The following DPYSL3 variants were observed in gnomAD, a reference collection of about 807,000 sequenced individuals.
DPYSL3 encodes dihydropyrimidinase like 3.
DPYSL3 carries 16 observed loss-of-function variants against 66.1 expected under a neutral mutation model. The ratio of observed to expected loss-of-function variants is 0.24; its 90% CI spans 0.16 to 0.37. The LOEUF is 0.37. Ranked by LOEUF, DPYSL3 falls within the 10% of genes least tolerant of loss-of-function variation. The probability of loss-of-function intolerance (pLI) is 1.00; values close to 1 mark genes in which losing one functional copy is unlikely to be tolerated. For synonymous variants in DPYSL3, 338 were observed against 345.1 expected (o/e 0.98, Z 0.23); for missense variants, 738 against 916.2 (o/e 0.81, Z 2.51).
At chr5:147,394,212 AAG>A in intron 13 of DPYSL3, 89 bp from the exon 14 acceptor site, 1 of 1,334,562 alleles carries the variant, frequency 7.5e-7, no homozygotes, top group Non-Finnish European at 1.1e-6. Flanking sequence ...GGTTAATTTT[AAG>A]AGTGCAAGAT....
At chr5:147,424,718 C>T (rs1245010831) in intron 2 of DPYSL3, among the ~76,000 whole-genome samples, 157 bp downstream of exon 2, 1 of 152,186 alleles carries the variant, frequency 6.6e-6, no homozygotes, top group Non-Finnish European at 1.5e-5. Context: ...GAATGCTCAT[C>T]AATACTTTCT....
intron 1 of DPYSL3, among the ~76,000 whole-genome samples, chr5:147,460,801 G>A (rs1236413038): frequency 6.6e-6 from 1 of 152,128 alleles, no homozygotes. Flanking sequence ...TTTCAGGCTT[G>A]CAATCCATTA....
At chr5:147,453,807 C>T (rs886239418) in intron 1 of DPYSL3, 4 of 1,224,998 alleles carry the variant, frequency 3.3e-6, no homozygotes, top group South Asian at 2.6e-5. Context: ...CCCGCCCCCC[C>T]ACGCACACCC....
intron 1 of DPYSL3, among the ~76,000 whole-genome samples, chr5:147,484,332 G>A (rs1395922485): frequency 6.6e-6 from 1 of 152,180 alleles, no homozygotes; most frequent in Non-Finnish European, 1.5e-5. Context: ...CAGCCTGCAG[G>A]GAGGGTGTAA....
At chr5:147,453,472 A>G in intron 1 of DPYSL3, 1 of 1,480,642 alleles carries the variant, frequency 6.8e-7, no homozygotes. Flanking sequence ...AGCCGGCGGG[A>G]TCCGAGCCGA....
At chr5:147,472,825 A>G (rs1054541522) in intron 1 of DPYSL3, 1 of 151,888 alleles carries the variant, frequency 6.6e-6, no homozygotes, top group Non-Finnish European at 1.5e-5. Context: ...ACACCATCCT[A>G]TTTACCCTCA....
intron 1 of DPYSL3, among the ~76,000 whole-genome samples, chr5:147,442,451 G>A (rs1040281166): frequency 2.0e-5 from 3 of 152,176 alleles, no homozygotes; most frequent in African/African-American, 7.2e-5. Context: ...GGAATGAGTG[G>A]TGACAAGAAT....
intron 1 of DPYSL3, among the ~76,000 whole-genome samples, chr5:147,481,626 G>T (rs756926870): frequency 6.6e-6 from 1 of 152,178 alleles, no homozygotes; most frequent in Non-Finnish European, 1.5e-5. Context: ...AGTGCCTGAA[G>T]GTGGGGCCTC....
At chr5:147,489,449 T>C (rs1043567972) in intron 1 of DPYSL3, among the ~76,000 whole-genome samples, 9 of 152,190 alleles carry the variant, frequency 5.9e-5, no homozygotes, top group South Asian at 2.1e-4. Context: ...TTATAGGAAA[T>C]TGAGTAATCT....
intron 12 of DPYSL3, among the ~76,000 whole-genome samples, chr5:147,396,064 G>A (rs973818871): frequency 1.3e-5 from 2 of 152,110 alleles, no homozygotes; most frequent in African/African-American, 2.4e-5. Flanking sequence ...AAGAGCAAGG[G>A]CAGACAGCTG....
chr5:147,469,819 T>G (rs1276350580), intron 1 of DPYSL3, among the ~76,000 whole-genome samples: 2 of 152,220 alleles, frequency 1.3e-5, no homozygotes, highest in Non-Finnish European at 2.9e-5. Context: ...GTATCATACA[T>G]CTAACTGCAT....
At chr5:147,436,366 T>C (rs182078278) in intron 1 of DPYSL3, among the ~76,000 whole-genome samples, 1 of 152,334 alleles carries the variant, frequency 6.6e-6, no homozygotes, top group Admixed American at 6.5e-5. Context: ...AATAAGTAAG[T>C]TCTGGAGCAA....
At chr5:147,435,241 G>A (rs1752395574) in intron 1 of DPYSL3, among the ~76,000 whole-genome samples, 2 of 152,142 alleles carry the variant, frequency 1.3e-5, no homozygotes, top group South Asian at 4.1e-4. Context: ...TATGGCCAAC[G>A]GCAATTATGA....
intron 7 of DPYSL3, 103 bp downstream of exon 7, chr5:147,408,625 G>T (rs899509933): frequency 7.9e-7 from 1 of 1,269,582 alleles, no homozygotes; most frequent in Non-Finnish European, 1.1e-6. Context: ...AGTGGTCTTT[G>T]GAAGAAATGT....
intron 1 of DPYSL3, among the ~76,000 whole-genome samples, chr5:147,447,786 T>C (rs932949601): frequency 1.3e-5 from 2 of 152,104 alleles, no homozygotes; most frequent in African/African-American, 4.8e-5. Context: ...TGCCGTGAGC[T>C]GAGATCGCGC....
Position 147,395,571 on chromosome 5 carries a change from A to G in DPYSL3, c.1954T>C (p.Phe652Leu). ...CTGTCCCACTCACCTGACAGGCTAAATCCCGACTGATGAAGATTCCTCACA... is the reference window on the plus strand; with the variant it reads ...CTGTCCCACTCACCTGACAGGCTAAGTCCCGACTGATGAAGATTCCTCACA... ...PPVRNLHQSGFSLSGTQVDEG... is the reference protein window; with the variant it reads ...PPVRNLHQSGLSLSGTQVDEG... The change falls in exon 13 of 14, where the codon TTT (phenylalanine) becomes CTT (leucine). Residue 652 changes from phenylalanine (F) to leucine (L), a missense_variant. Physicochemically the swap from Phe to Leu is conservative, Grantham distance 22. Transcript: ENST00000343218. The G allele has an allele frequency of 1.2e-6, 2 of 1,612,846 alleles. No homozygotes were observed. Among genetic ancestry groups the G allele is most frequent in the South Asian group, 2.2e-5 (2 of 90,792 alleles).
chr5:147,430,518 A>T (rs1357712521), intron 1 of DPYSL3, among the ~76,000 whole-genome samples: 8 of 151,666 alleles, frequency 5.3e-5, no homozygotes, highest in African/African-American at 1.9e-4. Context: ...TCAAAAAAAA[A>T]AAAAAAGAAA....
chr5:147,395,860 A>G, intron 12 of DPYSL3, 139 bp from the exon 13 acceptor site: 1 of 1,062,974 alleles, frequency 9.4e-7, no homozygotes, highest in Non-Finnish European at 1.3e-6. Context: ...TGAGGAAGGG[A>G]GAAGTAGTAT....
intron 11 of DPYSL3, among the ~76,000 whole-genome samples, chr5:147,398,767 T>C (rs1328652962): frequency 6.6e-6 from 1 of 152,142 alleles, no homozygotes; most frequent in South Asian, 2.1e-4. Context: ...ACACCACATC[T>C]AGGGGAAGCT....
Sources: gnomAD v4.1 joint callset for allele counts (sites outside exome capture counted in the v4.1 genomes callset) on GRCh38, gnomAD v4.1.1 for gene constraint, MANE v1.5 for transcripts, NCBI Gene and HGNC (gene_info 2026-07-23, HGNC 2026-07-21) for gene names.